The following LRTM3 variants were observed in gnomAD, a reference collection of about 807,000 sequenced individuals.
LRTM3 encodes leucine rich repeat transmembrane protein 3, also known as leucine-rich repeat transmembrane protein 3.
At chr13:102,734,407 G>T in the LRTM3 span, 1 of 1,551,342 alleles carries the variant, frequency 6.4e-7, no homozygotes, top group African/African-American at 1.4e-5. Flanking sequence ...GTTTGGAAAA[G>T]AGTATGCACA....
chr13:102,746,697 C>T, the LRTM3 span: 1 of 1,551,172 alleles, frequency 6.4e-7, no homozygotes, highest in Non-Finnish European at 8.7e-7. Context: ...TTGAAAGTCT[C>T]TGGCGAAGTT....
chr13:102,747,776 C>A, the LRTM3 span: 15 of 1,551,078 alleles, frequency 9.7e-6, no homozygotes, highest in South Asian at 1.2e-5. Flanking sequence ...CATCATGGGG[C>A]ATGGACTATT....
the LRTM3 span, chr13:102,741,648 G>A: frequency 6.5e-7 from 1 of 1,550,304 alleles, no homozygotes; most frequent in East Asian, 2.4e-5. Flanking sequence ...TCTTGCTCCT[G>A]GCAAGTCTTC....
the LRTM3 span, chr13:102,746,712 G>T: frequency 6.4e-7 from 1 of 1,551,090 alleles, no homozygotes. Context: ...GAAGTTGCTG[G>T]TAAATCTTTT....
chr13:102,749,349 G>T, the LRTM3 span: 17 of 1,551,174 alleles, frequency 1.1e-5, no homozygotes, highest in Non-Finnish European at 1.5e-5. Flanking sequence ...GAAACAATTT[G>T]TTGCTGGCCT....
chr13:102,741,336 A>C, the LRTM3 span: 1 of 1,549,444 alleles, frequency 6.5e-7, no homozygotes, highest in Non-Finnish European at 8.7e-7. Context: ...TTACTGAGGA[A>C]AGATTCAGAA....
the LRTM3 span, chr13:102,745,435 A>G: frequency 1.9e-6 from 3 of 1,550,896 alleles, no homozygotes; most frequent in African/African-American, 2.7e-5. Flanking sequence ...CATATGTTTC[A>G]TCTACCCCCT....
chr13:102,753,140 C>T, the LRTM3 span, among the ~76,000 whole-genome samples: 1 of 152,104 alleles, frequency 6.6e-6, no homozygotes, highest in Non-Finnish European at 1.5e-5. Context: ...ACTATGCAGC[C>T]ATAAAAAAGA....
chr13:102,731,218 G>T, the LRTM3 span: 1 of 1,551,214 alleles, frequency 6.4e-7, no homozygotes, highest in African/African-American at 1.4e-5. Flanking sequence ...TCTTCATATT[G>T]CTGGCAAGAG....
chr13:102,734,408 A>G, the LRTM3 span: 5 of 1,551,230 alleles, frequency 3.2e-6, no homozygotes, highest in African/African-American at 5.5e-5. Flanking sequence ...TTTGGAAAAG[A>G]GTATGCACAT....
the LRTM3 span, chr13:102,736,589 A>C: frequency 5.2e-6 from 8 of 1,551,106 alleles, no homozygotes; most frequent in Non-Finnish European, 7.0e-6. Context: ...TAACTCAAGG[A>C]AAGCTGAAGA....
the LRTM3 span, among the ~76,000 whole-genome samples, chr13:102,758,093 C>A: frequency 1.4e-4 from 21 of 152,192 alleles, no homozygotes; most frequent in African/African-American, 5.1e-4. Flanking sequence ...AAATAAATAT[C>A]TTTTCAGTTG....
the LRTM3 span, chr13:102,732,711 CCTT>C: frequency 1.9e-6 from 3 of 1,551,264 alleles, no homozygotes; most frequent in Non-Finnish European, 2.6e-6. Flanking sequence ...CTTCCTCTCT[CCTT>C]CTCCAGATTG....
the LRTM3 span, chr13:102,747,514 G>A: frequency 6.4e-7 from 1 of 1,550,698 alleles, no homozygotes; most frequent in African/African-American, 1.4e-5. Flanking sequence ...AAGTAAGCAA[G>A]TGGTTATTGA....
chr13:102,754,727 C>T, the LRTM3 span, among the ~76,000 whole-genome samples: 3 of 152,148 alleles, frequency 2.0e-5, no homozygotes, highest in Admixed American at 6.5e-5. Context: ...GGCCTCTCCC[C>T]ACCAAGGAAT....
At chr13:102,755,958 TA>T in the LRTM3 span, among the ~76,000 whole-genome samples, 5 of 87,930 alleles carry the variant, frequency 5.7e-5, no homozygotes, top group African/African-American at 2.7e-4. Context: ...TATATATATA[TA>T]TATTTTTTTT....
chr13:102,758,315 C>T, the LRTM3 span: 3 of 750,252 alleles, frequency 4.0e-6, no homozygotes, highest in African/African-American at 1.8e-5. Flanking sequence ...CTAGGAAAAC[C>T]CTTCTCTGAA....
the LRTM3 span, chr13:102,742,467 C>G: frequency 6.5e-7 from 1 of 1,549,274 alleles, no homozygotes; most frequent in Non-Finnish European, 8.7e-7. Flanking sequence ...GTTTTCCAGT[C>G]TGCAGTTTTA....
At chr13:102,739,280 A>C in the LRTM3 span, 1 of 1,550,148 alleles carries the variant, frequency 6.5e-7, no homozygotes, top group East Asian at 2.4e-5. Context: ...TTTGAGGCCC[A>C]TTACATCTTT....
Sources: gnomAD v4.1 joint callset for allele counts (sites outside exome capture counted in the v4.1 genomes callset) on GRCh38, gnomAD v4.1.1 for gene constraint, MANE v1.5 for transcripts, NCBI Gene and HGNC (gene_info 2026-07-23, HGNC 2026-07-21) for gene names.